Variants in PACS2 observed in about 807,000 individuals in gnomAD.
PACS2 encodes PACS1-like protein.
In PACS2, 36 loss-of-function variants were observed where a neutral mutation model predicts 113.0. The ratio of observed to expected loss-of-function variants is 0.32; its 90% CI spans 0.24 to 0.42. The LOEUF (loss-of-function observed/expected upper bound fraction) is 0.42. Among genes scored for constraint, PACS2 ranks in the 10% least tolerant of loss-of-function variants. The pLI, the probability that PACS2 is intolerant of heterozygous loss-of-function variation, is 1.00. For missense variants in PACS2, 1,015 were observed against 1,239.5 expected (o/e 0.82, Z 2.72); for synonymous variants, 589 against 536.1 (o/e 1.10, Z -1.36).
At position 105,384,420 on chromosome 14, in the gene PACS2, G is replaced by A. The variant is rs1379541631; in HGVS notation, c.1848G>A (p.Leu616=). Residue 616 remains leucine (L), a synonymous_variant, in exon 17 of 25, where the codon CTG becomes CTA. Transcript: ENST00000447393. The stretch of plus-strand genomic sequence containing the variant: ...GCTACAACAACTTCTTCCAGGACCT[G>A]GCCTGGAGAGACCTGTTCAACAAGC... ...DYRYNNFFQD[L]AWRDLFNKLE... The A allele has an allele frequency of 3.1e-6, 5 of 1,612,450 alleles. No individual in the cohort carries two copies. Among genetic ancestry groups the A allele is most frequent in the Non-Finnish European group, 3.4e-6 (4 of 1,179,796 alleles).
intron 1 of PACS2, among the ~76,000 whole-genome samples, chr14:105,336,906 G>A (rs587709909): frequency 6.4e-4 from 98 of 152,254 alleles, no homozygotes; most frequent in African/African-American, 2.4e-3. Context: ...GAGCACTGAC[G>A]CAGGGCCTCC....
rs1294241883 is a variant in PACS2, at chr14:105,396,099, GC to G, written c.*1435del. 7.2e-5 allele frequency: 11 copies of G among 151,940 alleles called. No individual in the cohort carries two copies. Among genetic ancestry groups the G allele is most frequent in the East Asian group, 3.9e-4 (2 of 5,192 alleles). 9.4% of individuals were successfully genotyped at this position (151,940 alleles called of 1,614,324 possible). On this transcript the variant is annotated 3_prime_UTR_variant, in exon 25 of 25. Coordinates refer to ENST00000447393, the MANE Select transcript of PACS2 (RefSeq NM_001100913.3). ...TGTGACCGCCCTGCTCTTCCTGGCC[GC>G]CCCCCCCAGGTGGCTGAACAGGGTG...
At chr14:105,338,099 G>A (rs1351732349) in intron 1 of PACS2, among the ~76,000 whole-genome samples, 1 of 152,230 alleles carries the variant, frequency 6.6e-6, no homozygotes, top group Non-Finnish European at 1.5e-5. Flanking sequence ...TCTGTTCTCA[G>A]ACTGGGGCCT....
At chr14:105,332,049 TTTTTA>T (rs2059323615) in intron 1 of PACS2, among the ~76,000 whole-genome samples, 1 of 152,234 alleles carries the variant, frequency 6.6e-6, no homozygotes, top group Admixed American at 6.5e-5. Flanking sequence ...GCTTTTAGCG[TTTTTA>T]TTTTGATTTG....
At chr14:105,328,939 G>T (rs915667559) in intron 1 of PACS2, among the ~76,000 whole-genome samples, 1 of 152,244 alleles carries the variant, frequency 6.6e-6, no homozygotes, top group African/African-American at 2.4e-5. Context: ...GAGGTCAATT[G>T]TAATTCGGAG....
At chr14:105,360,556 AAAG>A (rs2060641805) in intron 4 of PACS2, among the ~76,000 whole-genome samples, 1 of 151,572 alleles carries the variant, frequency 6.6e-6, no homozygotes, top group African/African-American at 2.4e-5. Flanking sequence ...AAAAAAAAAA[AAAG>A]AAAAGAAAAA....
upstream of PACS2, among the ~76,000 whole-genome samples, chr14:105,313,126 C>A (rs185342349): frequency 1.3e-5 from 2 of 152,292 alleles, no homozygotes; most frequent in Non-Finnish European, 2.9e-5. Context: ...CCTCACTTGA[C>A]CCCCAGTTGT....
At chr14:105,333,957 C>G (rs1038132487) in intron 1 of PACS2, among the ~76,000 whole-genome samples, 2 of 152,252 alleles carry the variant, frequency 1.3e-5, no homozygotes, top group African/African-American at 4.8e-5. Context: ...CACAGAAACG[C>G]CCTTGCTGGG....
At chr14:105,387,802 G>A (rs1030256917) in intron 19 of PACS2, among the ~76,000 whole-genome samples, 2 of 152,182 alleles carry the variant, frequency 1.3e-5, no homozygotes, top group Non-Finnish European at 2.9e-5. Context: ...GGTCTGGCTC[G>A]GCAGAGGGCA....
intron 2 of PACS2, among the ~76,000 whole-genome samples, chr14:105,350,293 G>A (rs1353332758): frequency 2.0e-5 from 3 of 152,188 alleles, no homozygotes; most frequent in Admixed American, 1.3e-4. Context: ...AGAAAGGCAT[G>A]AAGGCAAGAG....
At chr14:105,337,410 A>G (rs995350828) in intron 1 of PACS2, among the ~76,000 whole-genome samples, 1 of 152,252 alleles carries the variant, frequency 6.6e-6, no homozygotes, top group Admixed American at 6.5e-5. Context: ...TGACCTGCAC[A>G]CTGAAAAATG....
Position 105,340,595 on chromosome 14 carries a change from C to G in PACS2, c.120-7898C>G, listed in dbSNP as rs941466808. On this transcript the variant is annotated intron_variant, in intron 1 of 24. Transcript: ENST00000447393. This position sits in a 1 kb window ranked among gnomAD's most constrained non-coding sequence, Gnocchi z 4.2. ...GGAGCTCAGGTGGGAATGCTCACTCCCTGGTGCTCATCTCCTGCTGTGCGG... is the reference window on the plus strand; with the variant it reads ...GGAGCTCAGGTGGGAATGCTCACTCGCTGGTGCTCATCTCCTGCTGTGCGG... Among the ~76,000 whole-genome samples the G allele has an allele frequency of 4.6e-5, 7 of 152,232 alleles. No individual in the cohort carries two copies. Among genetic ancestry groups the G allele is most frequent in the Non-Finnish European group, 8.8e-5 (6 of 68,042 alleles).
At chr14:105,394,205 GTCT>G in intron 24 of PACS2, 3 of 985,392 alleles carry the variant, frequency 3.0e-6, no homozygotes, top group Non-Finnish European at 3.6e-6. Flanking sequence ...GGCTCCCACT[GTCT>G]TCTTCCCACA....
intron 1 of PACS2, among the ~76,000 whole-genome samples, chr14:105,332,975 T>G (rs942057991): frequency 6.6e-6 from 1 of 152,066 alleles, no homozygotes; most frequent in Admixed American, 6.5e-5. Flanking sequence ...CTCTGCCCCC[T>G]CCCCAGGCTC....
At chr14:105,347,504 A>G (rs1315863349) in intron 1 of PACS2, among the ~76,000 whole-genome samples, 2 of 152,182 alleles carry the variant, frequency 1.3e-5, no homozygotes, top group Non-Finnish European at 2.9e-5. Flanking sequence ...TTGAGGGCCA[A>G]GCACCAGCCC....
chr14:105,324,740 G>T lies in PACS2; in HGVS notation c.119+9703G>T, dbSNP rs2059032600. Among the ~76,000 whole-genome samples, 1 of 152,168 alleles carries T rather than the reference G, an allele frequency of 6.6e-6. No individual in the cohort carries two copies. Among genetic ancestry groups the T allele is most frequent in the Non-Finnish European group, 1.5e-5 (1 of 68,000 alleles). On this transcript the variant is annotated intron_variant, in intron 1 of 24. Transcript: ENST00000447393. The surrounding 1 kb of genome is among the most constrained non-coding windows in gnomAD (Gnocchi z 4.7). ...GCCCCGTCTCACCCCACGGATGGGGGGCAGGCTCTCCAGGAGCCCCAGGGA... is the reference window on the plus strand; with the variant it reads ...GCCCCGTCTCACCCCACGGATGGGGTGCAGGCTCTCCAGGAGCCCCAGGGA...
chr14:105,381,699 G>A (rs2081000850), intron 12 of PACS2, among the ~76,000 whole-genome samples: 1 of 152,244 alleles, frequency 6.6e-6, no homozygotes. Context: ...TCCCATCGGA[G>A]GCACGGCCTC....
intron 19 of PACS2, among the ~76,000 whole-genome samples, chr14:105,387,308 C>T (rs1555413805): frequency 6.6e-6 from 1 of 152,234 alleles, no homozygotes; most frequent in Non-Finnish European, 1.5e-5. Flanking sequence ...GGCCCGCCCT[C>T]CTCTGCCGAG....
At chr14:105,311,885 T>C (rs2058359455), upstream of PACS2, among the ~76,000 whole-genome samples, 1 of 152,204 alleles carries the variant, frequency 6.6e-6, no homozygotes, top group African/African-American at 2.4e-5. Context: ...TGGGAGTGGA[T>C]GCGGCAGGGC....
Sources: gnomAD v4.1 joint callset for allele counts (sites outside exome capture counted in the v4.1 genomes callset) on GRCh38, gnomAD v4.1.1 for gene constraint, Gnocchi (gnomAD v3.1) non-coding constraint, MANE v1.5 for transcripts, NCBI Gene and HGNC (gene_info 2026-07-23, HGNC 2026-07-21) for gene names.